Variants in TSPAN18 observed in about 807,000 individuals in gnomAD.
The protein encoded by TSPAN18 is tetraspanin 18.
A neutral mutation model predicts 27.3 loss-of-function variants in TSPAN18; 14 were observed. The ratio of observed to expected loss-of-function variants is 0.51; its 90% CI spans 0.34 to 0.80. The LOEUF is 0.80. Ranked by LOEUF, TSPAN18 falls within the 30% of genes least tolerant of loss-of-function variation. The probability of loss-of-function intolerance (pLI) is 0.01; values close to 1 mark genes in which losing one functional copy is unlikely to be tolerated. For synonymous variants in TSPAN18, 143 were observed against 136.5 expected, an observed-to-expected ratio of 1.05 and a Z score of -0.33; for missense variants, 268 against 323.9, an observed-to-expected ratio of 0.83 and a Z score of 1.32.
At chr11:44,862,348 C>T (rs1419327355) in intron 3 of TSPAN18, among the ~76,000 whole-genome samples, 1 of 152,228 alleles carries the variant, frequency 6.6e-6, no homozygotes, top group African/African-American at 2.4e-5. Context: ...ATGCTGCCTC[C>T]CAGGCAGCTG....
chr11:44,906,490 C>T lies in TSPAN18; in HGVS notation c.63+11C>T, dbSNP rs1214032384. 3.7e-6 allele frequency: 6 copies of T among 1,612,902 alleles called. No homozygotes were observed. Among genetic ancestry groups the T allele is most frequent in the East Asian group, 2.2e-5 (1 of 44,884 alleles). ...AATTTCTTCATATTTGTAAGTATTC[C>T]TGGGTCTTCCCAGGCCTCTGCTGGG... On this transcript the variant is annotated intron_variant, in intron 4 of 9. Transcript: ENST00000520358.
intron 2 of TSPAN18, among the ~76,000 whole-genome samples, chr11:44,857,028 G>A (rs968970031): frequency 2.0e-5 from 3 of 152,156 alleles, no homozygotes; most frequent in African/African-American, 7.2e-5. Context: ...GATGTTCATC[G>A]TGGATAATGG....
intron 2 of TSPAN18, among the ~76,000 whole-genome samples, chr11:44,800,483 G>A (rs1856455384): frequency 6.6e-6 from 1 of 152,196 alleles, no homozygotes; most frequent in Non-Finnish European, 1.5e-5. Context: ...ACCAGGGTTG[G>A]GTGAGCCCCT....
intron 2 of TSPAN18, among the ~76,000 whole-genome samples, chr11:44,789,869 T>C (rs1294699377): frequency 6.6e-6 from 1 of 152,160 alleles, no homozygotes; most frequent in East Asian, 1.9e-4. Context: ...TCCTCCTAAT[T>C]CTTGTCTCTG....
intron 3 of TSPAN18, among the ~76,000 whole-genome samples, chr11:44,902,311 G>A (rs1044185968): frequency 6.6e-6 from 1 of 152,224 alleles, no homozygotes. Flanking sequence ...AAAGGTGATG[G>A]GCTGGGATTC....
chr11:44,866,091 C>T (rs1047974712), intron 3 of TSPAN18, among the ~76,000 whole-genome samples: 1 of 152,252 alleles, frequency 6.6e-6, no homozygotes, highest in African/African-American at 2.4e-5. Flanking sequence ...TCCTGCTCAC[C>T]TTCTGACAGT....
intron 4 of TSPAN18, among the ~76,000 whole-genome samples, chr11:44,908,769 G>GAAAGAAAAAGAAAGAA (rs1554938043): frequency 3.9e-4 from 28 of 71,680 alleles, no homozygotes; most frequent in Middle Eastern, 6.6e-3. Context: ...AGAGAGAAAG[G>GAAAGAAAAAGAAAGAA]AGAAAGAAAG....
intron 2 of TSPAN18, among the ~76,000 whole-genome samples, chr11:44,801,971 G>A (rs924079498): frequency 1.3e-5 from 2 of 152,156 alleles, no homozygotes; most frequent in Admixed American, 1.3e-4. Context: ...GGTCAAGACT[G>A]CAGTGAGCCA....
intron 2 of TSPAN18, among the ~76,000 whole-genome samples, chr11:44,853,423 C>T (rs1038792241): frequency 6.6e-6 from 1 of 152,158 alleles, no homozygotes; most frequent in Non-Finnish European, 1.5e-5. Flanking sequence ...TGACTGGAAG[C>T]ATTCCTGGAG....
chr11:44,909,424 G>T, intron 4 of TSPAN18: 1 of 393,436 alleles, frequency 2.5e-6, no homozygotes, highest in Non-Finnish European at 4.6e-6. Context: ...GATAAAATTG[G>T]CAAATAGCCT....
intron 2 of TSPAN18, among the ~76,000 whole-genome samples, chr11:44,772,645 G>A (rs1374036767): frequency 2.6e-5 from 4 of 152,018 alleles, no homozygotes; most frequent in African/African-American, 9.7e-5. Context: ...GTATTATTTT[G>A]CATTGTTATT....
rs1860491794 is a variant in TSPAN18, at chr11:44,929,551, A to G, written c.*373A>G. ...AGGACCTGATGCCAAGAAAGTGAGG[A>G]TTTAGGCAACAAGGAGGCAAAAGCA... On this transcript the variant is annotated 3_prime_UTR_variant, in exon 10 of 10. Coordinates refer to ENST00000520358, the MANE Select transcript of TSPAN18 (RefSeq NM_130783.5). 1 of 232,248 alleles carries G rather than the reference A, an allele frequency of 4.3e-6. No individual in the cohort carries two copies. The highest frequency in any genetic ancestry group is 8.3e-6 in the Non-Finnish European group (1 of 120,172). The allele number at this position is 232,248 out of a possible 1,614,324, so 14.4% of individuals were successfully genotyped here. A position where few individuals can be genotyped will look rare whatever the true frequency, so the allele number is the denominator to read the frequency against.
At chr11:44,861,957 C>T (rs1184044728) in intron 3 of TSPAN18, among the ~76,000 whole-genome samples, 4 of 152,100 alleles carry the variant, frequency 2.6e-5, no homozygotes, top group Non-Finnish European at 5.9e-5. Context: ...TTCAGCCACC[C>T]CAGCGCCTGG....
At chr11:44,878,381 G>C (rs556155725) in intron 3 of TSPAN18, among the ~76,000 whole-genome samples, 1 of 152,310 alleles carries the variant, frequency 6.6e-6, no homozygotes, top group Non-Finnish European at 1.5e-5. Context: ...CTCCATCCCG[G>C]CCTGAGGAAG....
chr11:44,771,125 G>C (rs1855681263), intron 2 of TSPAN18, among the ~76,000 whole-genome samples: 1 of 152,192 alleles, frequency 6.6e-6, no homozygotes, highest in African/African-American at 2.4e-5. Context: ...CTCAGGTAGT[G>C]AGTGAAGATG....
At chr11:44,843,888 C>T (rs1185239332) in intron 2 of TSPAN18, among the ~76,000 whole-genome samples, 7 of 152,300 alleles carry the variant, frequency 4.6e-5, no homozygotes, top group South Asian at 2.1e-4. Flanking sequence ...AGGGTGCCCA[C>T]GTTTCATATT....
intron 2 of TSPAN18, among the ~76,000 whole-genome samples, chr11:44,775,556 C>A (rs144796716): frequency 1.7e-4 from 26 of 152,234 alleles, no homozygotes; most frequent in African/African-American, 5.5e-4. Flanking sequence ...CTTCTGGGAG[C>A]CTCCGGTGAC....
intron 2 of TSPAN18, among the ~76,000 whole-genome samples, chr11:44,828,931 G>A (rs1436465593): frequency 6.6e-6 from 1 of 152,028 alleles, no homozygotes; most frequent in African/African-American, 2.4e-5. Flanking sequence ...TCTCCTGCCT[G>A]GACAACTGGT....
At chr11:44,829,907 A>G (rs1198955487) in intron 2 of TSPAN18, among the ~76,000 whole-genome samples, 1 of 152,180 alleles carries the variant, frequency 6.6e-6, no homozygotes, top group East Asian at 1.9e-4. Flanking sequence ...GAAAAAGATT[A>G]TTTCATAGCC....
Sources: allele counts gnomAD v4.1 joint callset (sites outside exome capture counted in the v4.1 genomes callset), GRCh38; gene constraint gnomAD v4.1.1; transcripts MANE v1.5; gene names NCBI Gene and HGNC (gene_info 2026-07-23, HGNC 2026-07-21).